The following AGBL4 variants were observed in gnomAD, a reference collection of about 807,000 sequenced individuals.
AGBL4 encodes the protein AGBL carboxypeptidase 4, also known as cytosolic carboxypeptidase 6.
AGBL4 carries 58 observed loss-of-function variants against 66.4 expected under a neutral mutation model. That is an observed-to-expected ratio of 0.87 (90% CI 0.71 to 1.09). The LOEUF is 1.09. AGBL4 is among the 50% of genes least tolerant of loss of function. AGBL4 has a pLI of 0.00. For missense variants in AGBL4, 579 were observed against 631.0 expected (o/e 0.92, Z 0.88); for synonymous variants, 234 against 222.9 (o/e 1.05, Z -0.44).
At position 48,852,015 on chromosome 1, in the gene AGBL4, C is replaced by CTTTTTTTTTTTTTT. The variant is rs138826187; in HGVS notation, c.634+15162_634+15175dup. Reference sequence around the variant, plus strand: ...GGTTCTGGTATGTGCCAGATACGTACTTTTTTTTTTTTTTTTTTTTTTTTC... The same window carrying CTTTTTTTTTTTTTT: ...GGTTCTGGTATGTGCCAGATACGTACTTTTTTTTTTTTTTTTTTTTTTTTTTTTTTTTTTTTTTC... On this transcript the variant is annotated intron_variant, in intron 6 of 13. Transcript: ENST00000371839. 1.4e-4 allele frequency among the ~76,000 whole-genome samples: 10 copies of CTTTTTTTTTTTTTT among 71,932 alleles called. 1 individual carries two copies. Among genetic ancestry groups the CTTTTTTTTTTTTTT allele is most frequent in the African/African-American group, 5.0e-4 (10 of 19,836 alleles). The allele number at this position is 71,932 out of a possible 152,430, so 47.2% of individuals were successfully genotyped here. A position where few individuals can be genotyped will look rare whatever the true frequency, so the allele number is the denominator to read the frequency against.
At chr1:48,574,551 T>TG (rs1644619903) in intron 11 of AGBL4, among the ~76,000 whole-genome samples, 1 of 150,498 alleles carries the variant, frequency 6.6e-6, no homozygotes, top group South Asian at 2.1e-4. Context: ...TTTTTTTTTT[T>TG]GAACTGACAT....
chr1:49,191,031 T>C (rs895066159), intron 4 of AGBL4, among the ~76,000 whole-genome samples: 2 of 152,198 alleles, frequency 1.3e-5, no homozygotes, highest in Non-Finnish European at 2.9e-5. Context: ...ATTTAGCAAA[T>C]ATTGTTAAGT....
intron 1 of AGBL4, among the ~76,000 whole-genome samples, chr1:50,014,461 C>T (rs1392221452): frequency 6.6e-6 from 1 of 151,728 alleles, no homozygotes; most frequent in African/African-American, 2.4e-5. Context: ...ATTAGATCAA[C>T]CCTTTTCACC....
chr1:48,825,096 G>A (rs1438944948), intron 6 of AGBL4, among the ~76,000 whole-genome samples: 1 of 152,214 alleles, frequency 6.6e-6, no homozygotes, highest in Non-Finnish European at 1.5e-5. Context: ...AATGAATACT[G>A]AGATGGGTGA....
chr1:49,153,511 C>T (rs1173064552), intron 4 of AGBL4, among the ~76,000 whole-genome samples: 1 of 152,058 alleles, frequency 6.6e-6, no homozygotes, highest in African/African-American at 2.4e-5. Context: ...TTTCTCTATG[C>T]ACATCACTCC....
intron 3 of AGBL4, among the ~76,000 whole-genome samples, chr1:49,423,793 C>T (rs1014929677): frequency 2.8e-5 from 3 of 106,468 alleles, no homozygotes; most frequent in African/African-American, 1.2e-4. Context: ...GCCTGGGTGA[C>T]AGAGTAAGAC....
chr1:49,665,287 T>G (rs931560466), intron 3 of AGBL4, among the ~76,000 whole-genome samples: 4 of 151,742 alleles, frequency 2.6e-5, no homozygotes, highest in African/African-American at 9.7e-5. Flanking sequence ...AAATGGCCTG[T>G]TTTTTTTGTT....
rs778715634 is a variant in AGBL4, at chr1:48,736,236, T to C, written c.635-72995A>G. 1 of 1,613,430 alleles carries C rather than the reference T, an allele frequency of 6.2e-7. No homozygotes were observed. Among genetic ancestry groups the C allele is most frequent in the Non-Finnish European group, 8.5e-7 (1 of 1,179,332 alleles). ...GCCATTGTGTTTCCACTCAGTGACC[T>C]ACCTCTGACGATGCTTAGTTTGTGA... On this transcript the variant is annotated intron_variant, in intron 6 of 13. Transcript: ENST00000371839. This position sits in a 1 kb window ranked among gnomAD's most constrained non-coding sequence, Gnocchi z 4.0.
At chr1:49,843,621 A>T (rs1413150670) in intron 2 of AGBL4, among the ~76,000 whole-genome samples, 4 of 152,164 alleles carry the variant, frequency 2.6e-5, no homozygotes, top group African/African-American at 7.2e-5. Flanking sequence ...CCACTCAGAT[A>T]ATCCAGTATA....
At chr1:49,814,066 C>T (rs1247986815) in intron 2 of AGBL4, among the ~76,000 whole-genome samples, 1 of 152,118 alleles carries the variant, frequency 6.6e-6, no homozygotes, top group Non-Finnish European at 1.5e-5. Context: ...TCTGCCATGA[C>T]TGTGAGGCCT....
intron 4 of AGBL4, among the ~76,000 whole-genome samples, chr1:49,148,744 C>A (rs954283848): frequency 3.3e-5 from 5 of 152,296 alleles, no homozygotes; most frequent in African/African-American, 1.2e-4. Context: ...ATATCTCAGC[C>A]CTCCTTTCTC....
At chr1:49,864,513 C>T (rs144991493) in intron 1 of AGBL4, among the ~76,000 whole-genome samples, 5 of 152,176 alleles carry the variant, frequency 3.3e-5, no homozygotes, top group Non-Finnish European at 7.4e-5. Flanking sequence ...AGGTGGTTGG[C>T]GCGAACCATG....
chr1:49,321,587 A>G (rs1225604679), intron 3 of AGBL4, among the ~76,000 whole-genome samples: 1 of 152,208 alleles, frequency 6.6e-6, no homozygotes, highest in African/African-American at 2.4e-5. Flanking sequence ...TATATGTCTT[A>G]GAGAAATGCT....
intron 3 of AGBL4, among the ~76,000 whole-genome samples, chr1:49,266,525 G>A (rs2148375677): frequency 6.6e-6 from 1 of 151,876 alleles, no homozygotes; most frequent in East Asian, 1.9e-4. Flanking sequence ...AACAGTTATG[G>A]GTTTCCTACT....
chr1:48,782,036 C>T (rs1400609350), intron 6 of AGBL4, among the ~76,000 whole-genome samples: 1 of 152,224 alleles, frequency 6.6e-6, no homozygotes, highest in African/African-American at 2.4e-5. Context: ...ACATGGAGAA[C>T]TATGGCAAAG....
At chr1:48,759,341 G>A in intron 6 of AGBL4, 1 of 1,520,692 alleles carries the variant, frequency 6.6e-7, no homozygotes, top group Non-Finnish European at 8.8e-7. Context: ...TTCTTGGACT[G>A]CAGATCAATA....
rs934881995 is a variant in AGBL4, at chr1:48,693,419, G to C, written c.635-30178C>G. ...ATTGCTCCCAGAGTCCTTGACCCAT[G>C]GCTGACCTGCTTTCCCTGTCACAGA... On this transcript the variant is annotated intron_variant, in intron 6 of 13. Transcript: ENST00000371839. Among the ~76,000 whole-genome samples, 9 of 152,192 alleles carry C rather than the reference G, an allele frequency of 5.9e-5. 1 individual carries two copies. The highest frequency in any genetic ancestry group is 2.2e-4 in the African/African-American group (9 of 41,448).
intron 3 of AGBL4, among the ~76,000 whole-genome samples, chr1:49,379,377 G>C (rs1644542762): frequency 6.6e-6 from 1 of 152,102 alleles, no homozygotes; most frequent in Admixed American, 6.6e-5. Flanking sequence ...ATGCAGCATA[G>C]AACTGCCTGG....
At chr1:48,853,033 A>G (rs1438195683) in intron 6 of AGBL4, among the ~76,000 whole-genome samples, 1 of 152,212 alleles carries the variant, frequency 6.6e-6, no homozygotes, top group Non-Finnish European at 1.5e-5. Context: ...CATTATAGAA[A>G]TGATAGGCTA....
Sources: allele counts gnomAD v4.1 joint callset (sites outside exome capture counted in the v4.1 genomes callset), GRCh38; gene constraint gnomAD v4.1.1; non-coding constraint Gnocchi (gnomAD v3.1); transcripts MANE v1.5; gene names NCBI Gene and HGNC (gene_info 2026-07-23, HGNC 2026-07-21).